Variants in ZNF610 observed in about 807,000 individuals in gnomAD.
ZNF610 encodes zinc finger protein 610.
A neutral mutation model predicts 14.1 loss-of-function variants in ZNF610; 14 were observed. The ratio of observed to expected loss-of-function variants is 0.99; its 90% CI spans 0.65 to 1.55. The LOEUF is 1.55. Among genes scored for constraint, ZNF610 ranks in the 40% most tolerant of loss-of-function variants. The pLI is 0.00. For synonymous variants in ZNF610, 185 were observed against 187.6 expected (o/e 0.99, Z 0.11); for missense variants, 530 against 558.0 (o/e 0.95, Z 0.51).
At chr19:52,359,327 T>A (rs1346376548) in intron 5 of ZNF610, among the ~76,000 whole-genome samples, 1 of 152,206 alleles carries the variant, frequency 6.6e-6, no homozygotes, top group African/African-American at 2.4e-5. Flanking sequence ...TTTTGTAGAT[T>A]TCTGTGTACA....
At chr19:52,330,932 C>T in the ZNF610 span, among the ~76,000 whole-genome samples, 3 of 152,238 alleles carry the variant, frequency 2.0e-5, no homozygotes. Flanking sequence ...TTCTGATATA[C>T]ATGAATGATT....
chr19:52,336,498 T>G lies in ZNF610; in HGVS notation c.-266T>G, dbSNP rs1189396202. On this transcript the variant is annotated 5_prime_UTR_variant, in exon 1 of 6. Transcript: ENST00000403906. Reference sequence around the variant, plus strand: ...GGGTCCTGTCCCCGCTCGTTCTGCCTTGGGCCAGGTAAACACGGATTTTCG... The same window carrying G: ...GGGTCCTGTCCCCGCTCGTTCTGCCGTGGGCCAGGTAAACACGGATTTTCG... The G allele has an allele frequency of 6.2e-6, 1 of 160,604 alleles. No homozygotes were observed. The highest frequency in any genetic ancestry group is 2.4e-5 in the African/African-American group (1 of 41,476). 9.9% of individuals were successfully genotyped at this position (160,604 alleles called of 1,614,324 possible). A position where few individuals can be genotyped will look rare whatever the true frequency, so the allele number is the denominator to read the frequency against.
intron 1 of ZNF610, among the ~76,000 whole-genome samples, chr19:52,337,312 G>A (rs562768498): frequency 1.9e-4 from 29 of 152,154 alleles, no homozygotes; most frequent in Admixed American, 2.6e-4. Flanking sequence ...GGGATCCGGG[G>A]GGGCCAGAGA....
At chr19:52,349,401 T>C (rs1243034071) in intron 3 of ZNF610, among the ~76,000 whole-genome samples, 166 bp downstream of exon 3, 1 of 151,952 alleles carries the variant, frequency 6.6e-6, no homozygotes, top group Non-Finnish European at 1.5e-5. Context: ...GGGAAGAGAC[T>C]GCACTGGGCG....
intron 1 of ZNF610, among the ~76,000 whole-genome samples, chr19:52,340,928 G>T (rs897820210): frequency 6.6e-6 from 1 of 151,992 alleles, no homozygotes; most frequent in Non-Finnish European, 1.5e-5. Context: ...TGATCTGCCC[G>T]CCTTGGCCTC....
intron 5 of ZNF610, among the ~76,000 whole-genome samples, chr19:52,357,128 G>T (rs1431394029): frequency 1.3e-5 from 2 of 152,166 alleles, no homozygotes; most frequent in East Asian, 1.9e-4. Flanking sequence ...GGTTCCCATG[G>T]CTCCCTCTTT....
chr19:52,364,234 A>C (rs1353642891), intron 5 of ZNF610, among the ~76,000 whole-genome samples: 5 of 152,210 alleles, frequency 3.3e-5, no homozygotes. Context: ...AAATGCTAGG[A>C]AAGAAAAGCC....
chr19:52,362,243 T>G (rs1985819213), intron 5 of ZNF610, among the ~76,000 whole-genome samples: 1 of 152,216 alleles, frequency 6.6e-6, no homozygotes, highest in Admixed American at 6.5e-5. Context: ...AAACCCCGTC[T>G]CTACTAAAAA....
At chr19:52,339,140 T>A (rs1984543212) in intron 1 of ZNF610, among the ~76,000 whole-genome samples, 1 of 152,060 alleles carries the variant, frequency 6.6e-6, no homozygotes, top group Non-Finnish European at 1.5e-5. Context: ...GCTGCCAGCA[T>A]GTCTCACCTC....
chr19:52,357,442 G>A (rs1457298296), intron 5 of ZNF610, among the ~76,000 whole-genome samples: 3 of 151,968 alleles, frequency 2.0e-5, no homozygotes, highest in Admixed American at 6.6e-5. Flanking sequence ...TCAGGAGATC[G>A]AGATCATCCT....
chr19:52,358,709 A>T (rs771331363), intron 5 of ZNF610, among the ~76,000 whole-genome samples: 44 of 152,142 alleles, frequency 2.9e-4, no homozygotes, highest in Non-Finnish European at 5.7e-4. Flanking sequence ...TCAGTGTTCT[A>T]TCCAGGGAAG....
chr19:52,361,397 G>C (rs978167133), intron 5 of ZNF610, among the ~76,000 whole-genome samples: 5 of 151,796 alleles, frequency 3.3e-5, no homozygotes, highest in African/African-American at 7.3e-5. Context: ...AGCTGGTCTT[G>C]AACTCCTGAC....
At chr19:52,362,830 T>C (rs957077170) in intron 5 of ZNF610, among the ~76,000 whole-genome samples, 1 of 152,214 alleles carries the variant, frequency 6.6e-6, no homozygotes. Context: ...ATGAAGTCCA[T>C]CCTGGAAACT....
At chr19:52,336,891 G>T (rs1236253909) in intron 1 of ZNF610, among the ~76,000 whole-genome samples, 1 of 152,186 alleles carries the variant, frequency 6.6e-6, no homozygotes, top group African/African-American at 2.4e-5. Flanking sequence ...CTAAAAATGT[G>T]CTCTTGGCGG....
Position 52,366,123 on chromosome 19 carries a change from G to A in ZNF610, c.745G>A (p.Glu249Lys). The change falls in exon 6 of 6, where the codon GAA becomes AAA. Residue 249 changes from glutamate (E) to lysine (K), a missense_variant. Coordinates refer to ENST00000403906, the MANE Select transcript of ZNF610 (RefSeq NM_001161425.2). Reference sequence around the variant, plus strand: ...CTTCAGTCGCAATTCACACCTTGTAGAACATTGGAGAATTCATACTGGACA... The same window carrying A: ...CTTCAGTCGCAATTCACACCTTGTAAAACATTGGAGAATTCATACTGGACA... Reference protein sequence around the residue: ...KVFSRNSHLVEHWRIHTGQKP... With the variant: ...KVFSRNSHLVKHWRIHTGQKP... The A allele has an allele frequency of 6.2e-7, 1 of 1,613,614 alleles. No individual in the cohort carries two copies. Among genetic ancestry groups the A allele is most frequent in the Non-Finnish European group, 8.5e-7 (1 of 1,179,884 alleles).
chr19:52,365,813 T>G lies in ZNF610; in HGVS notation c.435T>G (p.Ile145Met), dbSNP rs753260300. ...ELQLFQAGRK[I>M]YRSNQVEKFT... is the part of the protein sequence containing the mutation. ...AGCTGTTTCAAGCCGGAAGGAAAAT[T>G]TACAGAAGTAATCAAGTTGAAAAGT... Residue 145 changes from isoleucine to methionine, a missense_variant, in exon 6 of 6, where the codon ATT (isoleucine) becomes ATG (methionine). By Grantham distance (10) the Ile-to-Met change is conservative (BLOSUM62 1). Coordinates refer to ENST00000403906, the MANE Select transcript of ZNF610 (RefSeq NM_001161425.2). The G allele has an allele frequency of 6.2e-7, 1 of 1,614,156 alleles. No homozygotes were observed. The highest frequency in any genetic ancestry group is 1.1e-5 in the South Asian group (1 of 91,078).
At chr19:52,341,229 C>T (rs2122178847) in intron 1 of ZNF610, among the ~76,000 whole-genome samples, 1 of 152,328 alleles carries the variant, frequency 6.6e-6, no homozygotes, top group East Asian at 1.9e-4. Context: ...TGACTCCATC[C>T]AATCAAGTTA....
chr19:52,365,724 G>T lies in ZNF610; in HGVS notation c.346G>T (p.Ala116Ser). ...TGRSCVLGSN[A>S]ENKPIKNQLG... The stretch of plus-strand genomic sequence containing the variant: ...GAGGAGCTGTGTATTGGGAAGCAAT[G>T]CAGAAAACAAGCCTATTAAAAATCA... The change falls in exon 6 of 6, where the codon GCA (alanine) becomes TCA (serine). Residue 116 changes from alanine to serine, a missense_variant. Ala to Ser is a moderately conservative substitution (Grantham distance 99). Transcript: ENST00000403906. The T allele has an allele frequency of 6.2e-7, 1 of 1,610,314 alleles. No homozygotes were observed. The highest frequency in any genetic ancestry group is 8.5e-7 in the Non-Finnish European group (1 of 1,178,830).
At position 52,365,810 on chromosome 19, in the gene ZNF610, A is replaced by C. The variant is rs144631009; in HGVS notation, c.432A>C (p.Lys144Asn). The C allele has an allele frequency of 1.1e-5, 18 of 1,614,074 alleles. No homozygotes were observed. Among genetic ancestry groups the C allele is most frequent in the African/African-American group, 4.0e-5 (3 of 74,918 alleles). The part of the protein sequence containing the change: ...SELQLFQAGR[K>N]IYRSNQVEKF... ...TGCAGCTGTTTCAAGCCGGAAGGAAAATTTACAGAAGTAATCAAGTTGAAA... is the reference window on the plus strand; with the variant it reads ...TGCAGCTGTTTCAAGCCGGAAGGAACATTTACAGAAGTAATCAAGTTGAAA... Residue 144 changes from lysine to asparagine, a missense_variant, in exon 6 of 6, where the codon AAA becomes AAC. Lys to Asn is a moderately conservative substitution (Grantham distance 94). Coordinates refer to ENST00000403906, the MANE Select transcript of ZNF610 (RefSeq NM_001161425.2).
Sources: allele counts gnomAD v4.1 joint callset (sites outside exome capture counted in the v4.1 genomes callset), GRCh38; gene constraint gnomAD v4.1.1; transcripts MANE v1.5; gene names NCBI Gene and HGNC (gene_info 2026-07-23, HGNC 2026-07-21).